The following TBC1D22A variants were observed in gnomAD, a reference collection of about 807,000 sequenced individuals.
TBC1D22A encodes TBC1 domain family member 22A, also known as putative GTPase activator.
In TBC1D22A, 38 loss-of-function variants were observed where a neutral mutation model predicts 60.2. The observed-to-expected ratio is 0.63, with a 90% CI of 0.49 to 0.83. The LOEUF is 0.83. TBC1D22A is among the 40% of genes least tolerant of loss of function. TBC1D22A has a pLI of 0.00. For missense variants in TBC1D22A, 628 were observed against 701.0 expected (o/e 0.90, Z 1.18); for synonymous variants, 302 against 281.7 (o/e 1.07, Z -0.72).
At chr22:47,053,532 C>T (rs1005565605) in intron 11 of TBC1D22A, among the ~76,000 whole-genome samples, 37 of 152,364 alleles carry the variant, frequency 2.4e-4, no homozygotes, top group African/African-American at 8.9e-4. Context: ...GCTTCTCTCC[C>T]AGTCGGGGCA....
chr22:47,001,761 GGAA>G (rs2061418370), intron 10 of TBC1D22A, among the ~76,000 whole-genome samples: 1 of 152,072 alleles, frequency 6.6e-6, no homozygotes, highest in Non-Finnish European at 1.5e-5. Context: ...TTTTTCTTCA[GGAA>G]GAATAATTTT....
At chr22:47,083,372 C>T (rs1202241316) in intron 11 of TBC1D22A, among the ~76,000 whole-genome samples, 1 of 152,032 alleles carries the variant, frequency 6.6e-6, no homozygotes, top group Non-Finnish European at 1.5e-5. Flanking sequence ...CACACACACA[C>T]ACACACACAC....
chr22:46,795,646 A>T (rs2084618341), intron 3 of TBC1D22A, among the ~76,000 whole-genome samples: 1 of 152,206 alleles, frequency 6.6e-6, no homozygotes, highest in Admixed American at 6.5e-5. Flanking sequence ...GTACTTCAGT[A>T]TAGTGACAAT....
intron 8 of TBC1D22A, among the ~76,000 whole-genome samples, chr22:46,966,096 G>T (rs1270366903): frequency 1.3e-5 from 2 of 152,132 alleles, no homozygotes; most frequent in Admixed American, 6.5e-5. Flanking sequence ...TGGGGCCTCC[G>T]CATCACGCTC....
At chr22:47,048,703 C>T (rs568340074) in intron 11 of TBC1D22A, among the ~76,000 whole-genome samples, 9 of 152,286 alleles carry the variant, frequency 5.9e-5, no homozygotes, top group South Asian at 2.1e-4. Context: ...TCCTAGTGAA[C>T]GGAGCTTGCT....
At chr22:46,824,584 G>A (rs1021795255) in intron 4 of TBC1D22A, among the ~76,000 whole-genome samples, 1 of 152,214 alleles carries the variant, frequency 6.6e-6, no homozygotes, top group Admixed American at 6.5e-5. Flanking sequence ...TGGAAGGTTT[G>A]AGCTGGGGCT....
chr22:46,878,069 A>G (rs1321569073), intron 4 of TBC1D22A, among the ~76,000 whole-genome samples: 2 of 151,886 alleles, frequency 1.3e-5, no homozygotes, highest in Non-Finnish European at 2.9e-5. Flanking sequence ...GTATTAGACT[A>G]CCTTGAAGAC....
chr22:46,907,345 C>G (rs368813713), intron 7 of TBC1D22A, among the ~76,000 whole-genome samples: 20 of 152,312 alleles, frequency 1.3e-4, no homozygotes, highest in African/African-American at 4.6e-4. Flanking sequence ...TCCACTCAGA[C>G]AGGTGGGGGC....
chr22:46,770,387 T>G (rs1305276251), intron 1 of TBC1D22A, among the ~76,000 whole-genome samples: 1 of 152,186 alleles, frequency 6.6e-6, no homozygotes, highest in Admixed American at 6.5e-5. Context: ...TGGACTTCAG[T>G]GTGATGAGAC....
At chr22:46,911,401 TG>T (rs2069910387) in intron 7 of TBC1D22A, among the ~76,000 whole-genome samples, 1 of 152,166 alleles carries the variant, frequency 6.6e-6, no homozygotes, top group Non-Finnish European at 1.5e-5. Flanking sequence ...CCCACCCACC[TG>T]TCCATCCACT....
At chr22:46,953,693 T>C (rs887170375) in intron 8 of TBC1D22A, among the ~76,000 whole-genome samples, 1 of 152,266 alleles carries the variant, frequency 6.6e-6, no homozygotes, top group African/African-American at 2.4e-5. Flanking sequence ...ATTGTCTTTT[T>C]GTCCTGCATA....
Position 46,843,256 on chromosome 22 carries a change from A to C in TBC1D22A, c.638-35397A>C, listed in dbSNP as rs1020979123. Among the ~76,000 whole-genome samples, 5 of 152,148 alleles carry C rather than the reference A, an allele frequency of 3.3e-5. 1 individual carries two copies. The highest frequency in any genetic ancestry group is 3.3e-4 in the Admixed American group (5 of 15,276). ...CGAGCATTCGGTGTACTAATACAGTAATACAAACCACCACCTGCACAGAGC... is the reference window on the plus strand; with the variant it reads ...CGAGCATTCGGTGTACTAATACAGTCATACAAACCACCACCTGCACAGAGC... On this transcript the variant is annotated intron_variant, in intron 4 of 12. Coordinates refer to ENST00000337137, the MANE Select transcript of TBC1D22A (RefSeq NM_014346.5).
At chr22:46,972,014 G>C (rs536064405) in intron 8 of TBC1D22A, among the ~76,000 whole-genome samples, 2 of 152,324 alleles carry the variant, frequency 1.3e-5, no homozygotes, top group Admixed American at 6.5e-5. Context: ...TCAGGGGACA[G>C]AGCCATGGCC....
chr22:46,812,402 C>A (rs957150176), intron 4 of TBC1D22A, among the ~76,000 whole-genome samples: 7 of 152,198 alleles, frequency 4.6e-5, no homozygotes, highest in Non-Finnish European at 1.0e-4. Context: ...AGACACGGAG[C>A]ACCCATGAAT....
chr22:47,100,503 A>G (rs916696201), intron 11 of TBC1D22A, among the ~76,000 whole-genome samples: 1 of 151,558 alleles, frequency 6.6e-6, no homozygotes, highest in Non-Finnish European at 1.5e-5. Flanking sequence ...CTCATCTTGA[A>G]CTCCCACATG....
chr22:46,788,234 C>G (rs915037141), intron 1 of TBC1D22A, among the ~76,000 whole-genome samples: 1 of 152,136 alleles, frequency 6.6e-6, no homozygotes, highest in Non-Finnish European at 1.5e-5. Context: ...CCACGCCCGG[C>G]CAGGCAGGCT....
chr22:47,163,494 G>A (rs1200296232), intron 12 of TBC1D22A, among the ~76,000 whole-genome samples: 1 of 152,224 alleles, frequency 6.6e-6, no homozygotes, highest in African/African-American at 2.4e-5. Context: ...CGGTGTGTGC[G>A]ATTCAGTCCT....
At chr22:46,796,566 T>G (rs1432152743) in intron 3 of TBC1D22A, among the ~76,000 whole-genome samples, 1 of 152,150 alleles carries the variant, frequency 6.6e-6, no homozygotes, top group Admixed American at 6.5e-5. Flanking sequence ...CCCAGCCTCT[T>G]GCTTGTTGGT....
intron 7 of TBC1D22A, among the ~76,000 whole-genome samples, chr22:46,906,559 T>C (rs1239013245): frequency 6.6e-6 from 1 of 152,184 alleles, no homozygotes; most frequent in Non-Finnish European, 1.5e-5. Context: ...GCACTCACCA[T>C]GGGTTTCATC....
Sources: allele counts gnomAD v4.1 joint callset (sites outside exome capture counted in the v4.1 genomes callset), GRCh38; gene constraint gnomAD v4.1.1; transcripts MANE v1.5; gene names NCBI Gene and HGNC (gene_info 2026-07-23, HGNC 2026-07-21).